The following PAM variants were observed in gnomAD, a reference collection of about 807,000 sequenced individuals.
PAM encodes the protein peptidylglycine alpha-amidating monooxygenase, also known as peptidyl-glycine alpha-amidating monooxygenase.
In PAM, 72 loss-of-function variants were observed where a neutral mutation model predicts 122.1. The observed-to-expected ratio is 0.59, with a 90% confidence interval of 0.49 to 0.72. The LOEUF (loss-of-function observed/expected upper bound fraction) is 0.72, where lower values mean the gene tolerates loss of function less well. Ranked by LOEUF, PAM falls within the 30% of genes least tolerant of loss-of-function variation. PAM has a pLI of 0.00. For synonymous variants in PAM, 389 were observed against 404.4 expected (o/e 0.96, Z 0.46); for missense variants, 1,106 against 1,183.7 (o/e 0.93, Z 0.96).
intron 1 of PAM, among the ~76,000 whole-genome samples, chr5:102,777,236 A>G (rs962650284): frequency 6.6e-6 from 1 of 152,048 alleles, no homozygotes; most frequent in African/African-American, 2.4e-5. Context: ...TTAGGAACTG[A>G]AGACTGTTCA....
chr5:102,908,245 CTTGT>C (rs990697518), intron 4 of PAM, among the ~76,000 whole-genome samples: 2 of 151,948 alleles, frequency 1.3e-5, no homozygotes, highest in Non-Finnish European at 2.9e-5. Flanking sequence ...TTCCCCATTG[CTTGT>C]TTTTCTCAGG....
At chr5:102,765,693 GTTGGTTC>G (rs966208894) in intron 1 of PAM, among the ~76,000 whole-genome samples, 1 of 152,198 alleles carries the variant, frequency 6.6e-6, no homozygotes, top group Non-Finnish European at 1.5e-5. Context: ...TATTGGCAGG[GTTGGTTC>G]TTTCAGAAGG....
intron 16 of PAM, among the ~76,000 whole-genome samples, chr5:102,991,566 AC>A (rs1240236499): frequency 6.6e-6 from 1 of 152,114 alleles, no homozygotes; most frequent in African/African-American, 2.4e-5. Flanking sequence ...TGGTTCTGTC[AC>A]GTATGCATAT....
At position 102,974,154 on chromosome 5, in the gene PAM, A is replaced by T. The variant is rs1766825002; in HGVS notation, c.1201A>T (p.Arg401Trp). ...ACTACTTTCCAAGCTGCTAGGAGAA[A>T]GGGAAGATGTTGTTCATGTGCACAA... ...YSLLSKLLGEREDVVHVHKYN... is the reference protein window; with the variant it reads ...YSLLSKLLGEWEDVVHVHKYN... Residue 401 changes from arginine (R) to tryptophan (W), a missense_variant, in exon 15 of 26, where the codon AGG (arginine) becomes TGG (tryptophan). By Grantham distance (101) the Arg-to-Trp change is moderately radical (BLOSUM62 -3). This residue lies in a region of PAM where 670 missense variants were observed against 690.3 expected (regional missense o/e 0.97). Transcript: ENST00000438793. The T allele has an allele frequency of 1.2e-6, 2 of 1,613,748 alleles. No homozygotes were observed. Among genetic ancestry groups the T allele is most frequent in the Non-Finnish European group, 1.7e-6 (2 of 1,179,734 alleles).
intron 1 of PAM, among the ~76,000 whole-genome samples, chr5:102,864,037 G>T (rs1784853724): frequency 6.6e-6 from 1 of 151,180 alleles, no homozygotes; most frequent in Admixed American, 6.6e-5. Flanking sequence ...GTGTGTTCCT[G>T]TTAGAGAATT....
At chr5:102,842,168 A>G (rs575735613) in intron 1 of PAM, among the ~76,000 whole-genome samples, 1 of 151,746 alleles carries the variant, frequency 6.6e-6, no homozygotes, top group South Asian at 2.1e-4. Flanking sequence ...CACAAAGAAA[A>G]AATATCAATA....
intron 1 of PAM, among the ~76,000 whole-genome samples, chr5:102,774,986 A>G (rs1247142319): frequency 2.6e-5 from 4 of 151,928 alleles, no homozygotes; most frequent in Admixed American, 2.0e-4. Flanking sequence ...AGTTACCTAT[A>G]GTTTTATTCT....
chr5:102,786,388 G>A (rs1046268036), intron 1 of PAM, among the ~76,000 whole-genome samples: 2 of 152,088 alleles, frequency 1.3e-5, no homozygotes, highest in African/African-American at 2.4e-5. Context: ...TTTGAATAGC[G>A]CCTAGAATTT....
chr5:102,961,817 T>C (rs1762585043), intron 14 of PAM, among the ~76,000 whole-genome samples: 1 of 151,974 alleles, frequency 6.6e-6, no homozygotes, highest in African/African-American at 2.4e-5. Context: ...TTGTATGTCA[T>C]ATACTGCATG....
chr5:102,787,488 T>C (rs1760845826), intron 1 of PAM, among the ~76,000 whole-genome samples: 1 of 151,554 alleles, frequency 6.6e-6, no homozygotes. Context: ...GAATGTAAAT[T>C]TTTCTATACC....
intron 4 of PAM, among the ~76,000 whole-genome samples, chr5:102,912,069 G>A (rs1438724938): frequency 1.3e-5 from 2 of 151,966 alleles, no homozygotes; most frequent in African/African-American, 4.8e-5. Flanking sequence ...TTTTTAGCGG[G>A]TGCTTGAAAC....
intron 1 of PAM, chr5:102,838,198 T>A (rs1777604364): frequency 6.6e-6 from 1 of 152,116 alleles, no homozygotes. Flanking sequence ...ATCATGGCAT[T>A]TTTTTTCTCT....
At chr5:102,776,412 T>C (rs1238905482) in intron 1 of PAM, among the ~76,000 whole-genome samples, 1 of 152,150 alleles carries the variant, frequency 6.6e-6, no homozygotes, top group African/African-American at 2.4e-5. Context: ...TCTTTTCCCA[T>C]GCCTATGTTC....
intron 16 of PAM, among the ~76,000 whole-genome samples, chr5:102,991,785 T>C (rs1440398466): frequency 1.3e-5 from 2 of 152,184 alleles, no homozygotes; most frequent in African/African-American, 4.8e-5. Context: ...TTAGTCATTA[T>C]TGAACATCTA....
At chr5:102,937,819 CAAGT>C (rs1476320733) in intron 7 of PAM, among the ~76,000 whole-genome samples, 3 of 152,058 alleles carry the variant, frequency 2.0e-5, no homozygotes, top group African/African-American at 7.2e-5. Context: ...CTATGTAAAA[CAAGT>C]AATAGAGTCA....
At chr5:102,895,461 A>G (rs1795951521) in intron 3 of PAM, among the ~76,000 whole-genome samples, 1 of 151,732 alleles carries the variant, frequency 6.6e-6, no homozygotes, top group African/African-American at 2.4e-5. Flanking sequence ...AAGTGAATGA[A>G]TGGATGGGTA....
At chr5:102,828,733 T>G (rs577551198) in intron 1 of PAM, among the ~76,000 whole-genome samples, 2 of 152,302 alleles carry the variant, frequency 1.3e-5, no homozygotes, top group East Asian at 3.9e-4. Context: ...TGTGGGAGAT[T>G]TAGGATTAGA....
chr5:102,975,314 A>C (rs1022544561), intron 15 of PAM, among the ~76,000 whole-genome samples: 3 of 152,208 alleles, frequency 2.0e-5, no homozygotes, highest in African/African-American at 7.2e-5. Flanking sequence ...GCTTTGTAGG[A>C]GGCCATAAAT....
chr5:103,004,093 A>G (rs530948328), intron 17 of PAM, among the ~76,000 whole-genome samples: 1 of 152,324 alleles, frequency 6.6e-6, no homozygotes. Context: ...GCACAGGGAA[A>G]GCTAGCTTCT....
Sources: allele counts gnomAD v4.1 joint callset (sites outside exome capture counted in the v4.1 genomes callset), GRCh38; gene constraint gnomAD v4.1.1; regional missense constraint gnomAD v4.1.1; transcripts MANE v1.5; gene names NCBI Gene and HGNC (gene_info 2026-07-23, HGNC 2026-07-21).